The following PXN variants were observed in gnomAD, a reference collection of about 807,000 sequenced individuals.
The protein encoded by PXN is paxillin.
PXN carries 61 observed loss-of-function variants against 103.6 expected under a neutral mutation model. The ratio of observed to expected loss-of-function variants is 0.59; its 90% CI spans 0.48 to 0.73. PXN has a LOEUF of 0.73. PXN is among the 30% of genes least tolerant of loss of function. The pLI is 0.00. For missense variants in PXN, 1,274 were observed against 1,460.3 expected (o/e 0.87, Z 2.08); for synonymous variants, 562 against 607.8 (o/e 0.92, Z 1.11).
chr12:120,241,764 G>A (rs1399873615), intron 1 of PXN, among the ~76,000 whole-genome samples: 3 of 152,332 alleles, frequency 2.0e-5, no homozygotes, highest in Admixed American at 1.3e-4. Context: ...GTCAAGGGCC[G>A]AGGGCCCACT....
Position 120,212,349 on chromosome 12 carries a change from A to T in PXN, c.3211T>A (p.Tyr1071Asn). Reference protein sequence around the residue: ...GTFKEQNDKPYCQNCFLKLFC With the variant: ...GTFKEQNDKPNCQNCFLKLFC ...AGCTTGAGGAAGCAGTTCTGACAGTAAGGCTTGTCGTTCTGCTCCTTGAAG... is the reference window on the plus strand; with the variant it reads ...AGCTTGAGGAAGCAGTTCTGACAGTTAGGCTTGTCGTTCTGCTCCTTGAAG... Residue 1071 changes from tyrosine (Y) to asparagine (N), a missense_variant, in exon 15 of 15, where the codon TAC becomes AAC. Physicochemically the swap from Tyr to Asn is moderately radical, Grantham distance 143. This residue lies in a region of PXN where 96 missense variants were observed against 151.3 expected (regional missense o/e 0.63). Transcript: ENST00000637617. The surrounding 1 kb of genome is among the most constrained non-coding windows in gnomAD (Gnocchi z 7.2). The T allele has an allele frequency of 6.2e-7, 1 of 1,613,918 alleles. No homozygotes were observed. The highest frequency in any genetic ancestry group is 8.5e-7 in the Non-Finnish European group (1 of 1,179,878).
At chr12:120,239,398 T>G (rs1233649078) in intron 1 of PXN, among the ~76,000 whole-genome samples, 2 of 152,114 alleles carry the variant, frequency 1.3e-5, no homozygotes, top group African/African-American at 4.8e-5. Context: ...CTGGCCAGCA[T>G]GGTGAAACCC....
rs61741284 is a variant in PXN, at chr12:120,219,364, C to T, written c.1559G>A (p.Gly520Glu). The T allele has an allele frequency of 1.3e-6, 2 of 1,598,462 alleles. No individual in the cohort carries two copies. The highest frequency in any genetic ancestry group is 2.2e-5 in the East Asian group (1 of 44,874). Reference protein sequence around the residue: ...EQLGAKMTERGSVARPTQGPE... With the variant: ...EQLGAKMTERESVARPTQGPE... ...TCCCTGGGTTGGCCTGGCCACACTT[C>T]CCCTCTCGGTCATCTTTGCACCTAG... The change falls in exon 7 of 15, where the codon GGA (glycine) becomes GAA (glutamate). Residue 520 changes from glycine (G) to glutamate (E), a missense_variant. By Grantham distance (98) the Gly-to-Glu change is moderately conservative. This residue lies in a region of PXN where 1,178 missense variants were observed against 1,309.0 expected (regional missense o/e 0.90). Transcript: ENST00000637617. This position sits in a 1 kb window ranked among gnomAD's most constrained non-coding sequence, Gnocchi z 6.5.
intron 1 of PXN, among the ~76,000 whole-genome samples, chr12:120,236,298 T>C (rs1381361866): frequency 2.0e-5 from 3 of 152,168 alleles, no homozygotes; most frequent in Non-Finnish European, 4.4e-5. Flanking sequence ...TCATAAGGTA[T>C]GGACATCTGC....
chr12:120,240,085 C>T (rs557352177), intron 1 of PXN, among the ~76,000 whole-genome samples: 3 of 152,278 alleles, frequency 2.0e-5, no homozygotes, highest in African/African-American at 7.2e-5. Flanking sequence ...CCTCTTTGAG[C>T]TCAGTTCCCT....
chr12:120,260,264 C>A (rs910910486), intron 1 of PXN, among the ~76,000 whole-genome samples: 1 of 152,160 alleles, frequency 6.6e-6, no homozygotes, highest in Non-Finnish European at 1.5e-5. Context: ...AATGCCAACA[C>A]TTTGGGAGGC....
chr12:120,212,029 A>C lies in PXN; in HGVS notation c.*285T>G. On this transcript the variant is annotated 3_prime_UTR_variant, in exon 15 of 15. Transcript: ENST00000637617. The surrounding 1 kb of genome is among the most constrained non-coding windows in gnomAD (Gnocchi z 7.2). ...GTGCTGGCCAGGCCAGTTCGTGGGG[A>C]CGTACATGGGCTGGGGTGGAGCCCC... The C allele has an allele frequency of 3.0e-6, 2 of 663,488 alleles. No individual in the cohort carries two copies. The highest frequency in any genetic ancestry group is 5.7e-6 in the Non-Finnish European group (2 of 353,380). 41.1% of individuals were successfully genotyped at this position (663,488 alleles called of 1,614,324 possible). A position where few individuals can be genotyped will look rare whatever the true frequency, so the allele number is the denominator to read the frequency against.
At chr12:120,218,417 A>G (rs922334154) in intron 7 of PXN, among the ~76,000 whole-genome samples, 1 of 152,128 alleles carries the variant, frequency 6.6e-6, no homozygotes, top group African/African-American at 2.4e-5. Context: ...CTTGTTGCCC[A>G]GGCTGGAGTG....
At chr12:120,243,253 G>A (rs886327379) in intron 1 of PXN, among the ~76,000 whole-genome samples, 1 of 152,184 alleles carries the variant, frequency 6.6e-6, no homozygotes, top group Non-Finnish European at 1.5e-5. Context: ...AGGATAAAAA[G>A]GATCCATCCT....
intron 1 of PXN, among the ~76,000 whole-genome samples, chr12:120,260,559 G>A (rs1200431991): frequency 6.6e-6 from 1 of 151,508 alleles, no homozygotes; most frequent in Non-Finnish European, 1.5e-5. Flanking sequence ...GGAAATGACA[G>A]ATGTGGAAGA....
chr12:120,237,126 CGTGT>C lies in PXN; in HGVS notation c.14-12753_14-12750del, dbSNP rs147625061. Among the ~76,000 whole-genome samples the C allele has an allele frequency of 1.7e-3, 244 of 142,490 alleles. 3 individuals are homozygous for C. In the East Asian group the frequency reaches 0.036, roughly 21 times the overall value. The allele number at this position is 142,490 out of a possible 152,430, so 93.5% of individuals were successfully genotyped here. A position where few individuals can be genotyped will look rare whatever the true frequency, so the allele number is the denominator to read the frequency against. On this transcript the variant is annotated intron_variant, in intron 1 of 14. Coordinates refer to ENST00000637617, the MANE Select transcript of PXN (RefSeq NM_001385981.1). Reference sequence around the variant, plus strand: ...CATTGCTTGCTTGCTTATGTATGTACGTGTGTGTGTGTGTGTGTGTATACACACA... The same window carrying C: ...CATTGCTTGCTTGCTTATGTATGTACGTGTGTGTGTGTGTGTATACACACA...
At chr12:120,254,188 T>G (rs772146157) in intron 1 of PXN, among the ~76,000 whole-genome samples, 5 of 152,074 alleles carry the variant, frequency 3.3e-5, no homozygotes, top group Non-Finnish European at 7.4e-5. Flanking sequence ...CCAATATATA[T>G]ATTTATATAT....
At position 120,213,806 on chromosome 12, in the gene PXN, T is replaced by G; in HGVS notation, c.2979+36A>C. ...AGACCCCTCTCTCCCCACTGCCTGC[T>G]CCTCGCCCCTCCAGATGTGGTCAGG... is the stretch of plus-strand genomic sequence containing the variant. On this transcript the variant is annotated intron_variant, in intron 14 of 14. Transcript: ENST00000637617. This position sits in a 1 kb window ranked among gnomAD's most constrained non-coding sequence, Gnocchi z 4.2. The G allele has an allele frequency of 6.3e-7, 1 of 1,593,704 alleles. No individual in the cohort carries two copies. Among genetic ancestry groups the G allele is most frequent in the Non-Finnish European group, 8.5e-7 (1 of 1,170,450 alleles).
rs192689450 is a variant in PXN at position 120,256,570 on chromosome 12, C to T, written c.13+9047G>A. ...ATAAAAGGGGGTAGAAAGATGGGGA[C>T]GTGGGGGGTGGAGTAAAGCGTGAGC... is the stretch of plus-strand genomic sequence containing the variant. On this transcript the variant is annotated intron_variant, in intron 1 of 14. Transcript: ENST00000637617. Among the ~76,000 whole-genome samples, 86 of 149,834 alleles carry T rather than the reference C, an allele frequency of 5.7e-4. 1 individual carries two copies. Among genetic ancestry groups the T allele is most frequent in the African/African-American group, 2.0e-3 (82 of 40,618 alleles).
In PXN at chr12:120,225,150, C is replaced by G. The variant is rs2136344424; in HGVS notation, c.14-773G>C. ...GTGTAAGCTTCCATTACCCTGGCAC[C>G]TGGCAGCCAACAGGGGGGCACTAGG... On this transcript the variant is annotated intron_variant, in intron 1 of 14. Transcript: ENST00000637617. This position sits in a 1 kb window ranked among gnomAD's most constrained non-coding sequence, Gnocchi z 4.4. 5.4e-6 allele frequency: 1 copy of G among 185,108 alleles called. No homozygotes were observed. The highest frequency in any genetic ancestry group is 2.3e-5 in the African/African-American group (1 of 42,654). The allele number at this position is 185,108 out of a possible 1,614,324, so 11.5% of individuals were successfully genotyped here. A position where few individuals can be genotyped will look rare whatever the true frequency, so the allele number is the denominator to read the frequency against.
chr12:120,219,922 T>A lies in PXN; in HGVS notation c.1001A>T (p.Glu334Val), dbSNP rs759337299. The change falls in exon 7 of 15, where the codon GAG (glutamate) becomes GTG (valine). Residue 334 changes from glutamate to valine, a missense_variant. Physicochemically the swap from Glu to Val is moderately radical, Grantham distance 121. Coordinates refer to ENST00000637617, the MANE Select transcript of PXN (RefSeq NM_001385981.1). This position sits in a 1 kb window ranked among gnomAD's most constrained non-coding sequence, Gnocchi z 6.5. ...QGHTPEFPCT[E>V]QSGRGLLPPV... The stretch of plus-strand genomic sequence containing the variant: ...AGGTAGAAGGCCTCGTCCACTCTGC[T>A]CAGTACAAGGGAACTCCGGAGTGTG... 17 of 1,597,796 alleles carry A rather than the reference T, an allele frequency of 1.1e-5. No homozygotes were observed. In the African/African-American group the frequency reaches 2.1e-4, roughly 20 times the overall value.
intron 1 of PXN, among the ~76,000 whole-genome samples, chr12:120,247,255 G>T (rs776482414): frequency 4.6e-5 from 7 of 152,142 alleles, no homozygotes; most frequent in Non-Finnish European, 8.8e-5. Context: ...TACATATAAA[G>T]ACACAGATAG....
At position 120,216,275 on chromosome 12, in the gene PXN, G is replaced by T. The variant is rs1308041786; in HGVS notation, c.2299C>A (p.Gln767Lys). The change falls in exon 9 of 15, where the codon CAG becomes AAG. Residue 767 changes from glutamine (Q) to lysine (K), a missense_variant and splice_region_variant. Physicochemically the swap from Gln to Lys is moderately conservative, Grantham distance 53 (BLOSUM62 1). Transcript: ENST00000637617. The surrounding 1 kb of genome is among the most constrained non-coding windows in gnomAD (Gnocchi z 5.1). ...GGAGGGGCTCCTTTAAGGCCTGCCT[G>T]CATCGGGGGGAAGAGCGGGTCCTCA... Reference protein sequence around the residue: ...TDEDPLFPPMQIQGLEQRADG... With the variant: ...TDEDPLFPPMKIQGLEQRADG... 8 of 1,279,022 alleles carry T rather than the reference G, an allele frequency of 6.3e-6. No individual in the cohort carries two copies. The highest frequency in any genetic ancestry group is 7.9e-6 in the Non-Finnish European group (8 of 1,017,270). 79.2% of individuals were successfully genotyped at this position (1,279,022 alleles called of 1,614,324 possible).
chr12:120,257,299 G>A (rs534145307), intron 1 of PXN, among the ~76,000 whole-genome samples: 1 of 152,254 alleles, frequency 6.6e-6, no homozygotes, highest in African/African-American at 2.4e-5. Context: ...ACAATTACCT[G>A]AGCTCCAGCC....
Sources: allele counts gnomAD v4.1 joint callset (sites outside exome capture counted in the v4.1 genomes callset), GRCh38; gene constraint gnomAD v4.1.1; regional missense constraint gnomAD v4.1.1; non-coding constraint Gnocchi (gnomAD v3.1); transcripts MANE v1.5; gene names NCBI Gene and HGNC (gene_info 2026-07-23, HGNC 2026-07-21).